Variants in FRMPD3 observed in about 807,000 individuals in gnomAD.
FRMPD3 encodes the protein FERM and PDZ domain-containing protein 3.
Under a neutral mutation model 97.9 loss-of-function variants are expected in FRMPD3, and 42 were observed. The ratio of observed to expected loss-of-function variants is 0.43; its 90% CI spans 0.34 to 0.55. FRMPD3 has a LOEUF of 0.55. FRMPD3 is among the 20% of genes least tolerant of loss of function. FRMPD3 has a pLI of 0.03. For missense variants in FRMPD3, 1,303 were observed against 1,457.7 expected (o/e 0.89, Z 1.73); for synonymous variants, 577 against 581.1 (o/e 0.99, Z 0.10).
At chrX:107,583,453 G>A (rs1411378948) in intron 13 of FRMPD3, among the ~76,000 whole-genome samples, 1 of 112,250 alleles carries the variant, frequency 8.9e-6, no homozygotes, top group Non-Finnish European at 1.9e-5. Flanking sequence ...ATCCCATGGT[G>A]TGTATGTACC....
chrX:107,581,977 G>T (rs1045685933), intron 13 of FRMPD3, among the ~76,000 whole-genome samples: 3 of 110,982 alleles, frequency 2.7e-5, no homozygotes, highest in Non-Finnish European at 3.8e-5. Flanking sequence ...ATGTTTATAT[G>T]GGGACAGTTT....
At chrX:107,571,352 GTTGGCAAAAATTTCATTTTTCTC>G (rs199674144) in intron 12 of FRMPD3, among the ~76,000 whole-genome samples, 17,402 of 110,170 alleles carry the variant, frequency 0.16, 3,365 homozygotes, top group African/African-American at 0.52. Flanking sequence ...ATTTTTACCT[GTTGGCAAAAATTTCATTTTTCTC>G]TTGGCAAAAA....
chrX:107,469,404 A>G (rs1207866313), intron 1 of FRMPD3, among the ~76,000 whole-genome samples: 4 of 111,961 alleles, frequency 3.6e-5, no homozygotes, highest in Non-Finnish European at 7.5e-5. Context: ...TGAGAACAGC[A>G]TGAGAAAGAC....
intron 8 of FRMPD3, among the ~76,000 whole-genome samples, chrX:107,559,886 C>A (rs137861442): frequency 2.7e-5 from 3 of 110,242 alleles, no homozygotes; most frequent in African/African-American, 9.9e-5. Context: ...AGTAAAGGAG[C>A]CTTGTATGGC....
intron 8 of FRMPD3, among the ~76,000 whole-genome samples, chrX:107,557,145 C>CT (rs987676363): frequency 4.5e-5 from 5 of 111,842 alleles, no homozygotes; most frequent in Non-Finnish European, 9.4e-5. Flanking sequence ...TTTCAGTATT[C>CT]TTTTTTTACT....
chrX:107,543,545 C>T (rs770216663), intron 4 of FRMPD3, among the ~76,000 whole-genome samples: 10 of 111,038 alleles, frequency 9.0e-5, no homozygotes, highest in African/African-American at 3.3e-4. Context: ...GGCCGGGCGC[C>T]GTGGCTCATA....
At position 107,600,510 on chromosome X, in the gene FRMPD3, A is replaced by T. The variant is rs1484977514; in HGVS notation, c.2471A>T (p.Gln824Leu). The T allele has an allele frequency of 8.3e-7, 1 of 1,208,824 alleles. No individual in the cohort carries two copies. Among genetic ancestry groups the T allele is most frequent in the African/African-American group, 1.8e-5 (1 of 57,064 alleles). Residue 824 changes from glutamine (Q) to leucine (L), a missense_variant, in exon 15 of 15, where the codon CAG becomes CTG. Gln to Leu is a moderately radical substitution (Grantham distance 113). This residue lies in a region of FRMPD3 where 764 missense variants were observed against 820.2 expected (regional missense o/e 0.93). Transcript: ENST00000683843. ...LPFRIQSCAA[Q>L]AVLTAPYSLG... Reference sequence around the variant, plus strand: ...TTCCGGATCCAGAGCTGTGCAGCCCAGGCCGTTCTTACGGCCCCTTACTCT... The same window carrying T: ...TTCCGGATCCAGAGCTGTGCAGCCCTGGCCGTTCTTACGGCCCCTTACTCT...
At chrX:107,568,441 C>T (rs948492812) in intron 12 of FRMPD3, among the ~76,000 whole-genome samples, 1 of 90,613 alleles carries the variant, frequency 1.1e-5, no homozygotes, top group African/African-American at 4.1e-5. Context: ...TGGGCACAGT[C>T]GCTCATGCCT....
chrX:107,592,289 G>A (rs1184968963), intron 13 of FRMPD3, among the ~76,000 whole-genome samples: 1 of 111,886 alleles, frequency 8.9e-6, no homozygotes, highest in African/African-American at 3.3e-5. Context: ...TGGCTGAGTA[G>A]TATTTCATTG....
intron 1 of FRMPD3, among the ~76,000 whole-genome samples, chrX:107,524,273 G>T (rs761645731): frequency 2.7e-5 from 3 of 112,688 alleles, no homozygotes; most frequent in Non-Finnish European, 5.6e-5. Context: ...ACCCTCAGAG[G>T]GTCCCTGTCC....
chrX:107,545,917 T>G, intron 5 of FRMPD3, 76 bp downstream of exon 5: 1 of 800,144 alleles, frequency 1.2e-6, no homozygotes, highest in Non-Finnish European at 1.9e-6. Flanking sequence ...GCTCTGGGGC[T>G]TCTTATAGTG....
At chrX:107,468,181 G>A (rs973084108) in intron 1 of FRMPD3, among the ~76,000 whole-genome samples, 1 of 111,808 alleles carries the variant, frequency 8.9e-6, no homozygotes, top group Non-Finnish European at 1.9e-5. Flanking sequence ...AAACATTGAG[G>A]CATGGGCAAG....
At chrX:107,530,648 C>T in intron 3 of FRMPD3, 137 bp downstream of exon 3, 1 of 466,201 alleles carries the variant, frequency 2.1e-6, no homozygotes, top group Non-Finnish European at 3.7e-6. Context: ...GGGCTCCTGG[C>T]TAACCCAGAA....
intron 2 of FRMPD3, among the ~76,000 whole-genome samples, chrX:107,528,194 G>A (rs1390679741): frequency 8.9e-6 from 1 of 112,003 alleles, no homozygotes; most frequent in African/African-American, 3.2e-5. Flanking sequence ...AAGCTGATCC[G>A]TAGTGCTGCT....
At position 107,473,144 on chromosome X, in the gene FRMPD3, G is replaced by A. The variant is rs1036824333; in HGVS notation, c.-8+23139G>A. On this transcript the variant is annotated intron_variant, in intron 1 of 14. Transcript: ENST00000683843. ...TAAAAAGATACTGGCTCAGAGAGGTGTAGTGACTTGCTCAGGGGCACATGG... is the reference window on the plus strand; with the variant it reads ...TAAAAAGATACTGGCTCAGAGAGGTATAGTGACTTGCTCAGGGGCACATGG... Among the ~76,000 whole-genome samples, 13 of 112,650 alleles carry A rather than the reference G, an allele frequency of 1.2e-4. No homozygotes were observed. In the East Asian group the frequency reaches 3.6e-3, roughly 32 times the overall value.
intron 5 of FRMPD3, among the ~76,000 whole-genome samples, chrX:107,546,832 T>C (rs775976363): frequency 2.6e-4 from 29 of 111,904 alleles, no homozygotes; most frequent in Non-Finnish European, 3.8e-4. Context: ...TGGGAGAAGA[T>C]AGCAGGCCCA....
chrX:107,469,874 G>T (rs1242435739), intron 1 of FRMPD3, among the ~76,000 whole-genome samples: 1 of 112,184 alleles, frequency 8.9e-6, no homozygotes, highest in Non-Finnish European at 1.9e-5. Flanking sequence ...CCCTTAATTT[G>T]TATATTTGGG....
chrX:107,494,609 A>G (rs1921732770), intron 1 of FRMPD3, among the ~76,000 whole-genome samples: 1 of 111,350 alleles, frequency 9.0e-6, no homozygotes, highest in African/African-American at 3.3e-5. Flanking sequence ...GATGAGTAAT[A>G]GCTATAATTT....
chrX:107,496,497 A>T (rs938303184), intron 1 of FRMPD3, among the ~76,000 whole-genome samples: 1 of 112,385 alleles, frequency 8.9e-6, no homozygotes, highest in African/African-American at 3.2e-5. Flanking sequence ...ATCCTGATTT[A>T]GCTAAAGGTT....
Sources: allele counts gnomAD v4.1 joint callset (sites outside exome capture counted in the v4.1 genomes callset), GRCh38; gene constraint gnomAD v4.1.1; regional missense constraint gnomAD v4.1.1; transcripts MANE v1.5; gene names NCBI Gene and HGNC (gene_info 2026-07-23, HGNC 2026-07-21).